The following TMED10 variants were observed in gnomAD, a reference collection of about 807,000 sequenced individuals.
The protein encoded by TMED10 is transmembrane emp24 domain-containing protein 10.
A neutral mutation model predicts 23.1 loss-of-function variants in TMED10; 7 were observed. The observed-to-expected ratio is 0.30, with a 90% CI of 0.17 to 0.57. TMED10 has a LOEUF of 0.57. TMED10 is among the 20% of genes least tolerant of loss of function. TMED10 has a pLI of 0.91. For missense variants in TMED10, 162 were observed against 274.8 expected (o/e 0.59, Z 2.90); for synonymous variants, 113 against 106.9 (o/e 1.06, Z -0.35).
At chr14:75,151,194 T>G (rs769530155) in intron 2 of TMED10, among the ~76,000 whole-genome samples, 1 of 150,792 alleles carries the variant, frequency 6.6e-6, no homozygotes, top group Non-Finnish European at 1.5e-5. Context: ...CGTGAGTCAC[T>G]GCGCCCGGCC....
intron 3 of TMED10, among the ~76,000 whole-genome samples, chr14:75,145,813 A>G (rs1895876810): frequency 6.6e-6 from 1 of 152,150 alleles, no homozygotes; most frequent in Non-Finnish European, 1.5e-5. Flanking sequence ...AATACCCTTA[A>G]TGACAGGCAT....
intron 3 of TMED10, among the ~76,000 whole-genome samples, chr14:75,144,279 G>T (rs543951923): frequency 6.6e-6 from 1 of 152,104 alleles, no homozygotes; most frequent in Non-Finnish European, 1.5e-5. Flanking sequence ...GAAGTGGCTC[G>T]GTTCACATCC....
intron 1 of TMED10, among the ~76,000 whole-genome samples, chr14:75,172,165 A>G (rs999143795): frequency 1.3e-5 from 2 of 152,212 alleles, no homozygotes; most frequent in Non-Finnish European, 2.9e-5. Flanking sequence ...CCAACAATTC[A>G]ATTGCAAGGA....
At chr14:75,171,048 A>C (rs1320510757) in intron 1 of TMED10, among the ~76,000 whole-genome samples, 1 of 152,172 alleles carries the variant, frequency 6.6e-6, no homozygotes, top group Non-Finnish European at 1.5e-5. Context: ...TTACATGGCA[A>C]AAGGGATTGT....
At chr14:75,158,909 A>G (rs1380407356) in intron 1 of TMED10, among the ~76,000 whole-genome samples, 1 of 152,068 alleles carries the variant, frequency 6.6e-6, no homozygotes, top group Non-Finnish European at 1.5e-5. Context: ...GGGCAACAAG[A>G]GTGAAATTCC....
intron 1 of TMED10, among the ~76,000 whole-genome samples, chr14:75,168,938 C>A (rs1273677875): frequency 6.6e-6 from 1 of 152,058 alleles, no homozygotes; most frequent in Non-Finnish European, 1.5e-5. Context: ...AGTTATAAGC[C>A]AATGGGACAC....
intron 2 of TMED10, 96 bp from the exon 3 acceptor site, chr14:75,147,833 C>T: frequency 1.7e-6 from 2 of 1,185,820 alleles, no homozygotes; most frequent in Non-Finnish European, 2.4e-6. Flanking sequence ...GAACCCCTAC[C>T]CTCTCAATAG....
At chr14:75,150,447 T>C (rs1227608794) in intron 2 of TMED10, among the ~76,000 whole-genome samples, 1 of 152,214 alleles carries the variant, frequency 6.6e-6, no homozygotes, top group Non-Finnish European at 1.5e-5. Context: ...ACCTCCCTGA[T>C]TGTCACAGCA....
chr14:75,146,073 C>T (rs1261977213), intron 3 of TMED10, among the ~76,000 whole-genome samples: 2 of 152,088 alleles, frequency 1.3e-5, no homozygotes, highest in African/African-American at 4.8e-5. Flanking sequence ...TTTCAATTTA[C>T]TCAAGTTCAT....
chr14:75,156,658 A>C (rs998512539), intron 1 of TMED10, among the ~76,000 whole-genome samples: 2 of 152,162 alleles, frequency 1.3e-5, no homozygotes, highest in African/African-American at 2.4e-5. Flanking sequence ...TTGAAAAACT[A>C]TCTCAGGCCG....
chr14:75,140,814 C>T (rs973056926), intron 3 of TMED10, among the ~76,000 whole-genome samples: 1 of 152,142 alleles, frequency 6.6e-6, no homozygotes, highest in African/African-American at 2.4e-5. Context: ...AATACCAGCA[C>T]TTTGGGAAGC....
At chr14:75,136,131 A>T (rs876403) in intron 3 of TMED10, among the ~76,000 whole-genome samples, 69,710 of 152,076 alleles carry the variant, frequency 0.46, 17,074 homozygotes, top group East Asian at 0.84. Flanking sequence ...ACCGTAGGCT[A>T]TAAAGTAAGA....
At chr14:75,161,496 AG>A (rs76379942) in intron 1 of TMED10, among the ~76,000 whole-genome samples, 31,176 of 152,164 alleles carry the variant, frequency 0.2, 4,015 homozygotes, top group Non-Finnish European at 0.27. Context: ...AATTTATCTA[AG>A]GGACAATTTT....
chr14:75,143,387 T>C (rs972234295), intron 3 of TMED10, among the ~76,000 whole-genome samples: 2 of 152,208 alleles, frequency 1.3e-5, no homozygotes, highest in Non-Finnish European at 2.9e-5. Flanking sequence ...CACAGAGTTA[T>C]ATGTAACTGT....
chr14:75,153,711 AT>A (rs1325799416), intron 1 of TMED10, among the ~76,000 whole-genome samples: 1 of 151,888 alleles, frequency 6.6e-6, no homozygotes, highest in Non-Finnish European at 1.5e-5. Flanking sequence ...ATTTAAGCTT[AT>A]ATATTTAAAA....
chr14:75,147,655 A>C lies in TMED10; in HGVS notation c.411+9T>G. 1 of 1,614,102 alleles carries C rather than the reference A, an allele frequency of 6.2e-7. No individual in the cohort carries two copies. ...TGCTGCCTCCTCTGGCTGTTAGAGCAGGACATACCTCTTCGTAATTTTTCG... is the reference window on the plus strand; with the variant it reads ...TGCTGCCTCCTCTGGCTGTTAGAGCCGGACATACCTCTTCGTAATTTTTCG... On this transcript the variant is annotated intron_variant, in intron 3 of 4. Coordinates refer to ENST00000303575, the MANE Select transcript of TMED10 (RefSeq NM_006827.6).
chr14:75,171,806 G>C (rs956742996), intron 1 of TMED10, among the ~76,000 whole-genome samples: 1 of 103,472 alleles, frequency 9.7e-6, no homozygotes, highest in African/African-American at 3.7e-5. Flanking sequence ...GCAGCAATAG[G>C]ACACTAAGAC....
chr14:75,142,304 G>A (rs972332429), intron 3 of TMED10, among the ~76,000 whole-genome samples: 7 of 152,130 alleles, frequency 4.6e-5, no homozygotes, highest in East Asian at 1.9e-4. Context: ...TTTCAAATGA[G>A]GAAACTAAAG....
At chr14:75,151,517 C>A (rs906780349) in intron 2 of TMED10, among the ~76,000 whole-genome samples, 5 of 152,200 alleles carry the variant, frequency 3.3e-5, no homozygotes, top group Non-Finnish European at 7.3e-5. Context: ...CCATGCCCAG[C>A]CTTTTTTTTA....
Sources: gnomAD v4.1 joint callset for allele counts (sites outside exome capture counted in the v4.1 genomes callset) on GRCh38, gnomAD v4.1.1 for gene constraint, MANE v1.5 for transcripts, NCBI Gene and HGNC (gene_info 2026-07-23, HGNC 2026-07-21) for gene names.